Variants in VSIR observed in about 807,000 individuals in gnomAD.
The protein encoded by VSIR is V-set immunoregulatory receptor.
VSIR carries 10 observed loss-of-function variants against 31.0 expected under a neutral mutation model. That is an observed-to-expected ratio of 0.32 (90% CI 0.20 to 0.55). The LOEUF is 0.55. VSIR is among the 20% of genes least tolerant of loss of function. VSIR has a pLI of 0.93. For missense variants in VSIR, 356 were observed against 416.2 expected (o/e 0.86, Z 1.26); for synonymous variants, 179 against 180.1 (o/e 0.99, Z 0.05).
Position 71,773,320 on chromosome 10 carries a change from C to A in VSIR, c.82+38G>T, listed in dbSNP as rs565139216. On this transcript the variant is annotated intron_variant, in intron 1 of 6. Coordinates refer to ENST00000394957, the MANE Select transcript of VSIR (RefSeq NM_022153.2). Reference sequence around the variant, plus strand: ...TCCCACTCCAGTCTGCTGTCTTCTCCCAGCTTTTTCCCAGCGCCCCGCCTC... The same window carrying A: ...TCCCACTCCAGTCTGCTGTCTTCTCACAGCTTTTTCCCAGCGCCCCGCCTC... The A allele has an allele frequency of 1.7e-5, 26 of 1,569,326 alleles. No homozygotes were observed. The East Asian group carries it at 5.9e-4, about 35-fold the overall frequency.
At chr10:71,755,324 C>G (rs771476432) in intron 4 of VSIR, 35 bp downstream of exon 4, 12 of 1,575,706 alleles carry the variant, frequency 7.6e-6, no homozygotes, top group Non-Finnish European at 9.5e-6. Flanking sequence ...GTCACTCGCA[C>G]CGTCCACCCA....
chr10:71,772,045 G>A lies in VSIR; in HGVS notation c.82+1313C>T, dbSNP rs188191391. The stretch of plus-strand genomic sequence containing the variant: ...CTGTTCCTTCTGGAAGCCATGCCCT[G>A]CCATGAGCCATGGCCTTGGTGCTGA... On this transcript the variant is annotated intron_variant, in intron 1 of 6. Transcript: ENST00000394957. Among the ~76,000 whole-genome samples the A allele has an allele frequency of 3.0e-3, 461 of 152,304 alleles. 9 individuals are homozygous for A. Among genetic ancestry groups the A allele is most frequent in the Admixed American group, 0.028 (422 of 15,308 alleles).
At chr10:71,765,860 G>A (rs887806012) in intron 1 of VSIR, among the ~76,000 whole-genome samples, 11 of 152,282 alleles carry the variant, frequency 7.2e-5, no homozygotes, top group African/African-American at 2.4e-4. Flanking sequence ...AGACAGGAGA[G>A]GGTCCAGGAC....
At chr10:71,761,559 T>C in intron 2 of VSIR, 39 bp downstream of exon 2, 4 of 1,518,672 alleles carry the variant, frequency 2.6e-6, no homozygotes, top group Non-Finnish European at 3.5e-6. Context: ...CAGGCAGCCC[T>C]CCACACACGC....
intron 1 of VSIR, 23 bp from the exon 2 acceptor site, chr10:71,762,049 T>C (rs771814797): frequency 6.4e-7 from 1 of 1,571,054 alleles, no homozygotes; most frequent in Non-Finnish European, 8.6e-7. Flanking sequence ...AGGAGAGCCC[T>C]GTCACCTGAC....
intron 2 of VSIR, 38 bp downstream of exon 2, chr10:71,761,560 C>A (rs1414414062): frequency 6.6e-7 from 1 of 1,520,050 alleles, no homozygotes; most frequent in Admixed American, 1.9e-5. Flanking sequence ...AGGCAGCCCT[C>A]CACACACGCC....
chr10:71,768,909 T>A (rs1213210545), intron 1 of VSIR, among the ~76,000 whole-genome samples: 1 of 152,224 alleles, frequency 6.6e-6, no homozygotes. Context: ...GCCCACAGCC[T>A]CACAACTAAT....
Position 71,751,716 on chromosome 10 carries a change from T to G in VSIR, c.850A>C (p.Thr284Pro). Residue 284 changes from threonine (T) to proline (P), a missense_variant, in exon 6 of 7, where the codon ACC becomes CCC. By Grantham distance (38) the Thr-to-Pro change is conservative. Around this residue, in one of 2 missense-constraint regions of VSIR, gnomAD observed 190 missense variants for 185.2 expected, o/e 1.03. Transcript: ENST00000394957. This position sits in a 1 kb window ranked among gnomAD's most constrained non-coding sequence, Gnocchi z 4.9. ...SGRHLLSEPS[T>P]PLSPPGPGDV... The stretch of plus-strand genomic sequence containing the variant: ...CCGGGGCCTGGAGGAGACAGGGGGG[T>G]GCTGGGCTCCGAAAGCAGATGCCGC... The G allele has an allele frequency of 1.3e-6, 2 of 1,573,326 alleles. No homozygotes were observed. Among genetic ancestry groups the G allele is most frequent in the African/African-American group, 1.4e-5 (1 of 73,308 alleles).
intron 3 of VSIR, among the ~76,000 whole-genome samples, chr10:71,759,576 G>A (rs911014213): frequency 6.6e-6 from 1 of 151,458 alleles, no homozygotes; most frequent in African/African-American, 2.4e-5. Flanking sequence ...TTGGGAGGCC[G>A]AGGCAGTTAG....
At position 71,760,445 on chromosome 10, in the gene VSIR, C is replaced by A. The variant is rs139376238; in HGVS notation, c.568+423G>T. 409 of 157,558 alleles carry A rather than the reference C, an allele frequency of 2.6e-3. 5 individuals are homozygous for A. The highest frequency in any genetic ancestry group is 7.0e-3 in the African/African-American group (291 of 41,622). 9.8% of individuals were successfully genotyped at this position (157,558 alleles called of 1,614,324 possible). ...CCTCTTCCTCCTCCCTCCCCTGCAA[C>A]AGAGAACATCTGAAGAACATAGAAA... On this transcript the variant is annotated intron_variant, in intron 3 of 6. Coordinates refer to ENST00000394957, the MANE Select transcript of VSIR (RefSeq NM_022153.2).
chr10:71,755,370 G>T lies in VSIR; in HGVS notation c.665C>A (p.Ala222Asp). The stretch of plus-strand genomic sequence containing the variant: ...GGAGGAATACTCACGGCGGTTGGAG[G>T]CTGCCTGCCTTTGCTTGTAGACCAG... ...LLLVYKQRQA[A>D]SNRRAQELVR... The change falls in exon 4 of 7, where the codon GCC becomes GAC. Residue 222 changes from alanine (A) to aspartate (D), a missense_variant. Physicochemically the swap from Ala to Asp is moderately radical, Grantham distance 126. Around this residue, in one of 2 missense-constraint regions of VSIR, gnomAD observed 190 missense variants for 185.2 expected, o/e 1.03. Transcript: ENST00000394957. 1 of 1,609,966 alleles carries T rather than the reference G, an allele frequency of 6.2e-7. No individual in the cohort carries two copies. The highest frequency in any genetic ancestry group is 8.5e-7 in the Non-Finnish European group (1 of 1,177,770).
chr10:71,764,955 G>A (rs1428800915), intron 1 of VSIR, among the ~76,000 whole-genome samples: 1 of 152,230 alleles, frequency 6.6e-6, no homozygotes, highest in Non-Finnish European at 1.5e-5. Context: ...GGAGCCCCAG[G>A]AAGCTTGGCT....
At chr10:71,758,997 G>A (rs1439010045) in intron 3 of VSIR, among the ~76,000 whole-genome samples, 2 of 151,890 alleles carry the variant, frequency 1.3e-5, no homozygotes, top group Non-Finnish European at 2.9e-5. Context: ...AGCCTCCCGA[G>A]TAGCTGGGAT....
Position 71,749,130 on chromosome 10 carries a change from G to A in VSIR, c.*2123C>T, listed in dbSNP as rs1005867367. 9 of 152,124 alleles carry A rather than the reference G, an allele frequency of 5.9e-5. No homozygotes were observed. Among genetic ancestry groups the A allele is most frequent in the African/African-American group, 1.7e-4 (7 of 41,408 alleles). The allele number at this position is 152,124 out of a possible 1,614,324, so 9.4% of individuals were successfully genotyped here. A position where few individuals can be genotyped will look rare whatever the true frequency, so the allele number is the denominator to read the frequency against. On this transcript the variant is annotated 3_prime_UTR_variant, in exon 7 of 7. Transcript: ENST00000394957. ...CTCTGCCTCAAGGTCAGCAGCTGAG[G>A]GCTGGGGCCAGGCCAGCCTCCCCAG...
intron 3 of VSIR, among the ~76,000 whole-genome samples, chr10:71,756,062 C>T (rs554308140): frequency 2.6e-5 from 4 of 152,240 alleles, no homozygotes; most frequent in African/African-American, 9.6e-5. Context: ...TTGATCTCAC[C>T]ACACAAGTCA....
In VSIR at chr10:71,764,883, G is replaced by A. The variant is rs534786535; in HGVS notation, c.83-2857C>T. 4.6e-5 allele frequency among the ~76,000 whole-genome samples: 7 copies of A among 152,310 alleles called. No homozygotes were observed. The South Asian group carries it at 1.4e-3, about 32-fold the overall frequency. The stretch of plus-strand genomic sequence containing the variant: ...CCCAGGGAAAGCCTGGCAGTGCAGG[G>A]ACTAGCCAACTCTCCTCTGCTAACC... On this transcript the variant is annotated intron_variant, in intron 1 of 6. Transcript: ENST00000394957.
rs370815402 is a variant in VSIR, at chr10:71,762,564, C to T, written c.83-538G>A. On this transcript the variant is annotated intron_variant, in intron 1 of 6. Coordinates refer to ENST00000394957, the MANE Select transcript of VSIR (RefSeq NM_022153.2). ...AATGCATGGCCTCCCCTTGAGCAGA[C>T]GAGGCCTGCATTCCCGACAGCAGAA... Among the ~76,000 whole-genome samples, 42 of 152,338 alleles carry T rather than the reference C, an allele frequency of 2.8e-4. No individual in the cohort carries two copies. In the East Asian group the frequency reaches 2.9e-3, roughly 10 times the overall value.
At chr10:71,764,660 C>T (rs1840485532) in intron 1 of VSIR, among the ~76,000 whole-genome samples, 1 of 152,212 alleles carries the variant, frequency 6.6e-6, no homozygotes. Flanking sequence ...TCGCCAGAGT[C>T]CGTCCGTACT....
intron 1 of VSIR, among the ~76,000 whole-genome samples, chr10:71,763,740 C>T (rs1024289205): frequency 2.0e-5 from 3 of 152,206 alleles, no homozygotes; most frequent in African/African-American, 4.8e-5. Flanking sequence ...AAGTGCCATG[C>T]GAGTAGTCGG....
Sources: gnomAD v4.1 joint callset for allele counts (sites outside exome capture counted in the v4.1 genomes callset) on GRCh38, gnomAD v4.1.1 for gene constraint, gnomAD v4.1.1 regional missense constraint, Gnocchi (gnomAD v3.1) non-coding constraint, MANE v1.5 for transcripts, NCBI Gene and HGNC (gene_info 2026-07-23, HGNC 2026-07-21) for gene names.